OIP5: variants seen among roughly 807,000 people sequenced by gnomAD.
OIP5 encodes the protein Opa interacting protein 5.
A neutral mutation model predicts 20.3 loss-of-function variants in OIP5; 24 were observed. The ratio of observed to expected loss-of-function variants is 1.18; its 90% CI spans 0.86 to 1.66. The LOEUF is 1.66. Ranked by LOEUF, OIP5 falls within the 40% of genes most tolerant of loss-of-function variation. The pLI is 0.00. For missense variants in OIP5, 339 were observed against 289.5 expected (o/e 1.17, Z -1.24); for synonymous variants, 143 against 121.3 (o/e 1.18, Z -1.17).
intron 2 of OIP5, among the ~76,000 whole-genome samples, chr15:41,321,172 C>T (rs1221400209): frequency 1.3e-5 from 2 of 151,316 alleles, no homozygotes; most frequent in Non-Finnish European, 3.0e-5. Flanking sequence ...GCCCCCCGCC[C>T]AGCCAGCCGC....
In OIP5 at chr15:41,331,937, T is replaced by TG; in HGVS notation, c.366dup (p.Ile123HisfsTer2). 1 of 1,614,044 alleles carries TG rather than the reference T, an allele frequency of 6.2e-7. No homozygotes were observed. Reference sequence around the variant, plus strand: ...TACCTGCCTTTGAGTGAACCTTCAATGCCAACTAGGAAGGGCGCTTCCAAA... The same window carrying TG: ...TACCTGCCTTTGAGTGAACCTTCAATGGCCAACTAGGAAGGGCGCTTCCAAA... On this transcript the variant is annotated frameshift_variant, in exon 2 of 5. Coordinates refer to ENST00000220514, the MANE Select transcript of OIP5 (RefSeq NM_007280.2). LOFTEE classifies it high-confidence loss of function.
intron 3 of OIP5, among the ~76,000 whole-genome samples, chr15:41,319,374 G>C (rs768330381): frequency 5.3e-5 from 8 of 151,956 alleles, no homozygotes; most frequent in Non-Finnish European, 1.2e-4. Context: ...TCGTGCCTCA[G>C]CCTCCTGAGT....
intron 4 of OIP5, 58 bp downstream of exon 4, chr15:41,313,215 G>T: frequency 9.7e-7 from 1 of 1,028,614 alleles, no homozygotes; most frequent in Non-Finnish European, 1.5e-6. Flanking sequence ...TTCATTGGTA[G>T]AAGTTATCAA....
chr15:41,313,321 T>C lies in OIP5; in HGVS notation c.546A>G (p.Ala182=). 6.2e-7 allele frequency: 1 copy of C among 1,604,874 alleles called. No homozygotes were observed. The highest frequency in any genetic ancestry group is 8.5e-7 in the Non-Finnish European group (1 of 1,175,178). ...GAACATTTTGAATATCCATCTCTGA[T>C]GCATTTACTATGGCTTTTGTTTTTA... ...YLLKTKAIVN[A]SEMDIQNVPL... Residue 182 remains alanine, a synonymous_variant, in exon 4 of 5, where the codon GCA becomes GCG. Transcript: ENST00000220514.
chr15:41,320,706 C>T (rs1402129575), intron 2 of OIP5, among the ~76,000 whole-genome samples: 2 of 152,180 alleles, frequency 1.3e-5, no homozygotes, highest in Non-Finnish European at 2.9e-5. Flanking sequence ...AGCCGCCACC[C>T]CGTCTGGGAA....
At chr15:41,332,198 C>T in intron 1 of OIP5, 42 bp downstream of exon 1, 3 of 1,520,958 alleles carry the variant, frequency 2.0e-6, no homozygotes, top group Middle Eastern at 3.6e-4. Context: ...AACACCCTCT[C>T]GGGCTAGCCT....
At chr15:41,321,282 C>G (rs1385220370) in intron 2 of OIP5, among the ~76,000 whole-genome samples, 1 of 150,020 alleles carries the variant, frequency 6.7e-6, no homozygotes, top group African/African-American at 2.4e-5. Context: ...GGCCAGCCGT[C>G]CCGTCCTGGA....
chr15:41,327,773 G>GC (rs1377544424), intron 2 of OIP5, among the ~76,000 whole-genome samples: 2 of 151,592 alleles, frequency 1.3e-5, no homozygotes, highest in African/African-American at 2.4e-5. Context: ...GGGCTACAGA[G>GC]CAAGACTCCA....
intron 3 of OIP5, among the ~76,000 whole-genome samples, chr15:41,317,553 T>C (rs1371959781): frequency 6.6e-6 from 1 of 151,854 alleles, no homozygotes; most frequent in Non-Finnish European, 1.5e-5. Context: ...CTAATTTTTT[T>C]TGTATTTTTA....
intron 3 of OIP5, among the ~76,000 whole-genome samples, chr15:41,313,555 T>C (rs868183152): frequency 9.9e-5 from 15 of 152,136 alleles, no homozygotes; most frequent in Middle Eastern, 3.4e-3. Context: ...AGACTAAAAA[T>C]ATTCAGGAAA....
intron 2 of OIP5, among the ~76,000 whole-genome samples, chr15:41,328,606 T>C (rs960327967): frequency 1.6e-4 from 24 of 152,334 alleles, no homozygotes; most frequent in African/African-American, 4.3e-4. Flanking sequence ...CAATAAAATG[T>C]AGACGGAAGT....
At chr15:41,314,194 T>C (rs888297244) in intron 3 of OIP5, among the ~76,000 whole-genome samples, 2 of 152,004 alleles carry the variant, frequency 1.3e-5, no homozygotes, top group South Asian at 2.1e-4. Context: ...CTCTGCCTCC[T>C]GGGTTCAAGC....
intron 3 of OIP5, among the ~76,000 whole-genome samples, chr15:41,314,875 G>A (rs971385052): frequency 2.0e-5 from 3 of 150,370 alleles, no homozygotes; most frequent in Middle Eastern, 3.2e-3. Context: ...CAAGTGATCC[G>A]CCTGCCTCAG....
chr15:41,320,925 C>T (rs1401402024), intron 2 of OIP5, among the ~76,000 whole-genome samples: 1 of 151,700 alleles, frequency 6.6e-6, no homozygotes, highest in East Asian at 1.9e-4. Context: ...GGGAACGCCT[C>T]TGCCCTGCCG....
chr15:41,322,767 T>C lies in OIP5; in HGVS notation c.390-2987A>G, dbSNP rs372801883. On this transcript the variant is annotated intron_variant, in intron 2 of 4. Coordinates refer to ENST00000220514, the MANE Select transcript of OIP5 (RefSeq NM_007280.2). ...CTGGCCAACGTGGCGAAACCCTGTC[T>C]CTACTAAAAATAAAAAAATTAGCCA... Among the ~76,000 whole-genome samples, 183 of 152,110 alleles carry C rather than the reference T, an allele frequency of 1.2e-3. 2 individuals are homozygous for C. The South Asian group carries it at 0.03, about 25-fold the overall frequency.
intron 2 of OIP5, among the ~76,000 whole-genome samples, chr15:41,327,192 T>C (rs1376237419): frequency 6.6e-6 from 1 of 151,962 alleles, no homozygotes; most frequent in African/African-American, 2.4e-5. Context: ...AAATTTTTTT[T>C]TTTTCTGAGA....
intron 2 of OIP5, among the ~76,000 whole-genome samples, chr15:41,324,849 T>G (rs551284284): frequency 2.6e-5 from 4 of 152,202 alleles, no homozygotes; most frequent in Admixed American, 6.5e-5. Context: ...CTCACTAAGC[T>G]TAATCATTTC....
intron 1 of OIP5, 38 bp from the exon 2 acceptor site, chr15:41,332,019 G>C: frequency 6.3e-7 from 1 of 1,599,074 alleles, no homozygotes; most frequent in South Asian, 1.1e-5. Flanking sequence ...CATACTCTGC[G>C]GGCCTTGAAA....
intron 4 of OIP5, among the ~76,000 whole-genome samples, chr15:41,311,509 C>G (rs1407772425): frequency 6.6e-6 from 1 of 152,176 alleles, no homozygotes; most frequent in African/African-American, 2.4e-5. Flanking sequence ...TAATATTCTT[C>G]CTGGATCCTA....
Sources: gnomAD v4.1 joint callset for allele counts (sites outside exome capture counted in the v4.1 genomes callset) on GRCh38, gnomAD v4.1.1 for gene constraint, MANE v1.5 for transcripts, NCBI Gene and HGNC (gene_info 2026-07-23, HGNC 2026-07-21) for gene names.